RIC1: variants seen among roughly 807,000 people sequenced by gnomAD.
RIC1 encodes the protein RIC1 partner of RAB6A GEF complex, also known as guanine nucleotide exchange factor subunit RIC1.
A neutral mutation model predicts 169.0 loss-of-function variants in RIC1; 88 were observed. The observed-to-expected ratio is 0.52, with a 90% confidence interval of 0.44 to 0.62. RIC1 has a LOEUF of 0.62. Among genes scored for constraint, RIC1 ranks in the 20% least tolerant of loss-of-function variants. The pLI, the probability that RIC1 is intolerant of heterozygous loss-of-function variation, is 0.00. For synonymous variants in RIC1, 790 were observed against 601.5 expected (o/e 1.31, Z -4.59); for missense variants, 1,877 against 1,725.5 (o/e 1.09, Z -1.56).
At chr9:5,738,318 G>A (rs1824855620) in intron 7 of RIC1, 132 bp from the exon 8 acceptor site, 1 of 631,296 alleles carries the variant, frequency 1.6e-6, no homozygotes. Context: ...TTTATGAGAT[G>A]ACTGCAACTT....
chr9:5,658,185 G>A (rs1819221164), intron 2 of RIC1, among the ~76,000 whole-genome samples: 2 of 152,072 alleles, frequency 1.3e-5, no homozygotes. Context: ...ACTTTGTTTT[G>A]TTTTTAAAGC....
chr9:5,692,218 C>T (rs1171146327), intron 3 of RIC1, among the ~76,000 whole-genome samples: 1 of 152,020 alleles, frequency 6.6e-6, no homozygotes, highest in Admixed American at 6.6e-5. Context: ...TCAGATAGAC[C>T]TGAAATTAAA....
chr9:5,660,773 T>C (rs1819405378), intron 2 of RIC1, among the ~76,000 whole-genome samples: 1 of 152,152 alleles, frequency 6.6e-6, no homozygotes, highest in Admixed American at 6.5e-5. Context: ...ATTAATAGAT[T>C]CCAAAAATTT....
At chr9:5,732,275 A>T (rs1477762237) in intron 6 of RIC1, 113 bp from the exon 7 acceptor site, 6 of 818,436 alleles carry the variant, frequency 7.3e-6, no homozygotes, top group Non-Finnish European at 1.2e-5. Flanking sequence ...TCCTCTGCAG[A>T]TGAAACCAAA....
chr9:5,733,506 G>T (rs1418499603), intron 7 of RIC1, among the ~76,000 whole-genome samples: 1 of 151,948 alleles, frequency 6.6e-6, no homozygotes, highest in Non-Finnish European at 1.5e-5. Context: ...CTGACCTTGT[G>T]ATCCGCCTTG....
intron 1 of RIC1, among the ~76,000 whole-genome samples, chr9:5,653,156 G>A (rs949370366): frequency 4.6e-5 from 7 of 152,146 alleles, no homozygotes; most frequent in Non-Finnish European, 8.8e-5. Context: ...TTGACGTCTA[G>A]TTGTTTGAAT....
intron 19 of RIC1, among the ~76,000 whole-genome samples, chr9:5,764,603 C>T (rs1360072845): frequency 4.6e-5 from 7 of 152,186 alleles, no homozygotes; most frequent in Non-Finnish European, 7.3e-5. Flanking sequence ...AGCAGATTTC[C>T]TGTCAGCTTC....
intron 2 of RIC1, among the ~76,000 whole-genome samples, chr9:5,675,068 C>T (rs1336805043): frequency 1.3e-5 from 2 of 152,190 alleles, no homozygotes; most frequent in Non-Finnish European, 1.5e-5. Context: ...ATGGTGAGCG[C>T]ACACTTGGAC....
chr9:5,757,165 G>T, intron 16 of RIC1, 148 bp from the exon 17 acceptor site: 2 of 904,580 alleles, frequency 2.2e-6, no homozygotes, highest in East Asian at 2.5e-5. Flanking sequence ...CCAACTTCCT[G>T]ATCGAAGGAT....
At chr9:5,741,564 T>C (rs893719485) in intron 8 of RIC1, among the ~76,000 whole-genome samples, 16 of 152,190 alleles carry the variant, frequency 1.1e-4, no homozygotes, top group African/African-American at 3.6e-4. Context: ...TCTCCAGTTA[T>C]GCCTAATAAT....
Position 5,678,893 on chromosome 9 carries a change from G to A in RIC1, c.253-11066G>A, listed in dbSNP as rs558673928. ...TTTGGCTTTTGTTGCCATTGCTTTT[G>A]GTGTTTTAGACATGAAGTCCTTGCC... On this transcript the variant is annotated intron_variant, in intron 2 of 25. Transcript: ENST00000414202. Among the ~76,000 whole-genome samples, 86 of 151,902 alleles carry A rather than the reference G, an allele frequency of 5.7e-4. No homozygotes were observed. The East Asian group carries it at 0.015, about 26-fold the overall frequency.
At chr9:5,688,271 G>C (rs527732483) in intron 2 of RIC1, among the ~76,000 whole-genome samples, 2 of 152,268 alleles carry the variant, frequency 1.3e-5, no homozygotes, top group Non-Finnish European at 2.9e-5. Context: ...AAGTCTGCCA[G>C]GCTTTGTCTT....
chr9:5,698,659 A>G (rs1376983255), intron 3 of RIC1, among the ~76,000 whole-genome samples: 3 of 152,220 alleles, frequency 2.0e-5, no homozygotes, highest in African/African-American at 7.2e-5. Flanking sequence ...AGAGAGGCCC[A>G]GGTTCCAGTT....
intron 2 of RIC1, among the ~76,000 whole-genome samples, chr9:5,685,980 A>G (rs984752711): frequency 6.6e-6 from 1 of 152,102 alleles, no homozygotes; most frequent in African/African-American, 2.4e-5. Flanking sequence ...ATGAACAGAC[A>G]CTTCTGAAAA....
At chr9:5,664,500 C>G (rs1042322121) in intron 2 of RIC1, among the ~76,000 whole-genome samples, 1 of 152,054 alleles carries the variant, frequency 6.6e-6, no homozygotes, top group Non-Finnish European at 1.5e-5. Context: ...TCATGGGCCT[C>G]CCCTTCGTAG....
At chr9:5,729,268 C>G (rs1448724087) in intron 6 of RIC1, among the ~76,000 whole-genome samples, 1 of 152,058 alleles carries the variant, frequency 6.6e-6, no homozygotes, top group Admixed American at 6.6e-5. Context: ...AGAAAAATAT[C>G]CAGTTTTCCG....
chr9:5,739,387 T>C (rs1824927416), intron 8 of RIC1, among the ~76,000 whole-genome samples: 1 of 152,176 alleles, frequency 6.6e-6, no homozygotes, highest in Non-Finnish European at 1.5e-5. Context: ...TTCAGCCTGA[T>C]CCAACTCTGT....
chr9:5,776,639 TATGAA>T (rs1827604378), downstream of RIC1: 1 of 152,012 alleles, frequency 6.6e-6, no homozygotes, highest in Admixed American at 6.6e-5. Flanking sequence ...GAATTTTCCT[TATGAA>T]ATGAAATTCA....
At chr9:5,686,915 A>C (rs971873510) in intron 2 of RIC1, among the ~76,000 whole-genome samples, 1 of 152,188 alleles carries the variant, frequency 6.6e-6, no homozygotes, top group Non-Finnish European at 1.5e-5. Flanking sequence ...TCTGTATTCA[A>C]CTGATATTAT....
Sources: allele counts gnomAD v4.1 joint callset (sites outside exome capture counted in the v4.1 genomes callset), GRCh38; gene constraint gnomAD v4.1.1; transcripts MANE v1.5; gene names NCBI Gene and HGNC (gene_info 2026-07-23, HGNC 2026-07-21).